Variants in ENKUR observed in about 807,000 individuals in gnomAD.
ENKUR encodes enkurin, TRPC channel interacting protein, also known as enkurin.
A neutral mutation model predicts 27.6 loss-of-function variants in ENKUR; 19 were observed. The observed-to-expected ratio is 0.69, with a 90% CI of 0.48 to 1.01. The LOEUF is 1.01. ENKUR is among the 50% of genes least tolerant of loss of function. The pLI, the probability that ENKUR is intolerant of heterozygous loss-of-function variation, is 0.00. For synonymous variants in ENKUR, 117 were observed against 96.9 expected (o/e 1.21, Z -1.22); for missense variants, 312 against 310.5 (o/e 1.00, Z -0.04).
In ENKUR at chr10:25,015,964, C is replaced by A; in HGVS notation, c.-28G>T. On this transcript the variant is annotated 5_prime_UTR_variant, in exon 1 of 6. Coordinates refer to ENST00000331161, the MANE Select transcript of ENKUR (RefSeq NM_145010.4). ...CCACCAAATGACTCCTTAAAAGCTA[C>A]TCTCCACAACTTTTTTCTCCCTGTC... is the stretch of plus-strand genomic sequence containing the variant. 1 of 1,592,018 alleles carries A rather than the reference C, an allele frequency of 6.3e-7. No individual in the cohort carries two copies. Among genetic ancestry groups the A allele is most frequent in the Non-Finnish European group, 8.5e-7 (1 of 1,170,054 alleles).
At chr10:24,989,658 T>C (rs185889487) in intron 4 of ENKUR, among the ~76,000 whole-genome samples, 26 of 152,338 alleles carry the variant, frequency 1.7e-4, no homozygotes, top group Admixed American at 1.2e-3. Flanking sequence ...TTATTGATGA[T>C]TATGATGACA....
At chr10:24,989,567 T>C (rs1849880988) in intron 4 of ENKUR, among the ~76,000 whole-genome samples, 1 of 152,204 alleles carries the variant, frequency 6.6e-6, no homozygotes, top group South Asian at 2.1e-4. Flanking sequence ...ACTAATTAAA[T>C]TGCACAATAC....
intron 2 of ENKUR, chr10:25,025,718 A>C: frequency 2.6e-6 from 1 of 388,596 alleles, no homozygotes; most frequent in East Asian, 4.5e-5. Flanking sequence ...GGGTGTATCA[A>C]TTTCCACTCC....
At chr10:25,056,792 G>T (rs183761356) in intron 2 of ENKUR, among the ~76,000 whole-genome samples, 16 of 152,122 alleles carry the variant, frequency 1.1e-4, no homozygotes, top group African/African-American at 2.9e-4. Flanking sequence ...AATATAGAGA[G>T]GCTATTTGTT....
At chr10:25,013,063 G>A (rs1484043898) in intron 1 of ENKUR, among the ~76,000 whole-genome samples, 1 of 152,128 alleles carries the variant, frequency 6.6e-6, no homozygotes, top group African/African-American at 2.4e-5. Flanking sequence ...TTATAAAGGG[G>A]AGTTCCCCTG....
At chr10:25,032,542 G>A (rs1008152223) in intron 2 of ENKUR, among the ~76,000 whole-genome samples, 4 of 152,080 alleles carry the variant, frequency 2.6e-5, no homozygotes, top group African/African-American at 9.7e-5. Context: ...ACAGATTTTC[G>A]ATGAATTCTC....
Position 25,000,658 on chromosome 10 carries a change from A to G in ENKUR, c.78-1112T>C, listed in dbSNP as rs925562429. Among the ~76,000 whole-genome samples the G allele has an allele frequency of 5.3e-5, 8 of 152,084 alleles. 1 individual carries two copies. Among genetic ancestry groups the G allele is most frequent in the Admixed American group, 2.6e-4 (4 of 15,266 alleles). On this transcript the variant is annotated intron_variant, in intron 1 of 5. Transcript: ENST00000331161. ...GCATCCCTTTGATTTGTAATAGTAT[A>G]TGTTTTTCCATTCTTGGACTTTCTA...
At chr10:24,989,385 C>T (rs1252856776) in intron 4 of ENKUR, among the ~76,000 whole-genome samples, 1 of 152,196 alleles carries the variant, frequency 6.6e-6, no homozygotes, top group African/African-American at 2.4e-5. Flanking sequence ...CCGTCCTTGC[C>T]TTTGAGCCAC....
intron 2 of ENKUR, among the ~76,000 whole-genome samples, chr10:25,045,925 A>T (rs1405726324): frequency 6.6e-6 from 1 of 152,244 alleles, no homozygotes; most frequent in Non-Finnish European, 1.5e-5. Context: ...AGAGAGATAT[A>T]AATACAGACA....
chr10:25,061,170 A>G (rs1297634848), exon 2 of ENKUR: 7 of 1,535,778 alleles, frequency 4.6e-6, no homozygotes, highest in Admixed American at 2.0e-5. Flanking sequence ...AACAATCTCC[A>G]TAAGAAGTTC....
At chr10:25,011,728 C>A (rs1850448608) in intron 1 of ENKUR, among the ~76,000 whole-genome samples, 1 of 152,110 alleles carries the variant, frequency 6.6e-6, no homozygotes, top group Non-Finnish European at 1.5e-5. Flanking sequence ...CCAAAATTGA[C>A]AAATGGCAAC....
At chr10:25,015,091 G>C (rs924224552) in intron 1 of ENKUR, among the ~76,000 whole-genome samples, 1 of 152,194 alleles carries the variant, frequency 6.6e-6, no homozygotes, top group Non-Finnish European at 1.5e-5. Context: ...AGTCCTAGGA[G>C]AAATGAGATT....
intron 2 of ENKUR, among the ~76,000 whole-genome samples, chr10:25,045,584 C>T (rs1379381528): frequency 1.3e-5 from 2 of 152,138 alleles, no homozygotes; most frequent in Non-Finnish European, 2.9e-5. Flanking sequence ...AAAAGTAGTT[C>T]TCTGTATTTC....
chr10:25,003,365 C>T (rs1484595844), intron 1 of ENKUR, among the ~76,000 whole-genome samples: 1 of 151,986 alleles, frequency 6.6e-6, no homozygotes, highest in Admixed American at 6.6e-5. Context: ...CACCGCCATG[C>T]CTGGCTAATT....
intron 2 of ENKUR, among the ~76,000 whole-genome samples, chr10:25,055,800 C>A (rs922103585): frequency 2.4e-4 from 37 of 152,148 alleles, no homozygotes; most frequent in African/African-American, 7.7e-4. Context: ...CGGTATGATG[C>A]ATCTGTTTAT....
intron 2 of ENKUR, among the ~76,000 whole-genome samples, chr10:25,022,970 A>C (rs1850754928): frequency 1.3e-5 from 2 of 152,210 alleles, no homozygotes; most frequent in South Asian, 4.1e-4. Context: ...TTGAGATTTT[A>C]AAAGATATCA....
rs754845523 is a variant in ENKUR at position 25,015,892 on chromosome 10, G to A, written c.45C>T (p.Pro15=). 1.2e-6 allele frequency: 2 copies of A among 1,607,236 alleles called. No individual in the cohort carries two copies. Among genetic ancestry groups the A allele is most frequent in the East Asian group, 2.2e-5 (1 of 44,584 alleles). ...GCTGGGGAGGCTCCTTCAAGTCACT[G>A]GGTATGAGGTTATAAATGCACTCAG... ...CSSECIYNLI[P]SDLKEPPQPP... is the part of the protein sequence containing the mutation. The change falls in exon 1 of 6, where the codon CCC becomes CCT. Residue 15 remains proline (P), a synonymous_variant. Transcript: ENST00000331161.
At chr10:24,984,402 A>C (rs1849734872) in intron 5 of ENKUR, 26 bp from the exon 6 acceptor site, 2 of 1,548,994 alleles carry the variant, frequency 1.3e-6, no homozygotes, top group Non-Finnish European at 1.8e-6. Context: ...AAAAAAAGTG[A>C]AGTTCTGAGT....
intron 2 of ENKUR, among the ~76,000 whole-genome samples, chr10:25,031,711 T>C (rs906388826): frequency 6.6e-6 from 1 of 151,888 alleles, no homozygotes; most frequent in African/African-American, 2.4e-5. Context: ...TTTTCTGTTA[T>C]AGGTTACCAT....
Sources: allele counts gnomAD v4.1 joint callset (sites outside exome capture counted in the v4.1 genomes callset), GRCh38; gene constraint gnomAD v4.1.1; transcripts MANE v1.5; gene names NCBI Gene and HGNC (gene_info 2026-07-23, HGNC 2026-07-21).